Variants in NDST3 observed in about 807,000 individuals in gnomAD.
NDST3 encodes the protein bifunctional heparan sulfate N-deacetylase/N-sulfotransferase 3.
Under a neutral mutation model 96.1 loss-of-function variants are expected in NDST3, and 58 were observed. The observed-to-expected ratio is 0.60, with a 90% CI of 0.49 to 0.75. The LOEUF (loss-of-function observed/expected upper bound fraction) is 0.75, where lower values mean the gene tolerates loss of function less well. Among genes scored for constraint, NDST3 ranks in the 30% least tolerant of loss-of-function variants. The probability of loss-of-function intolerance (pLI) is 0.00; values close to 1 mark genes in which losing one functional copy is unlikely to be tolerated. For missense variants in NDST3, 788 were observed against 1,034.2 expected, an observed-to-expected ratio of 0.76 and a Z score of 3.27; for synonymous variants, 333 against 359.7, an observed-to-expected ratio of 0.93 and a Z score of 0.84.
At chr4:118,163,921 T>C (rs954056548) in intron 6 of NDST3, among the ~76,000 whole-genome samples, 5 of 152,094 alleles carry the variant, frequency 3.3e-5, no homozygotes, top group Non-Finnish European at 5.9e-5. Context: ...AGTTCAACCA[T>C]TGTGGAAAGC....
intron 6 of NDST3, among the ~76,000 whole-genome samples, chr4:118,184,949 G>T (rs900408646): frequency 2.6e-5 from 4 of 151,974 alleles, no homozygotes; most frequent in South Asian, 2.1e-4. Context: ...TACTCAACTG[G>T]CAAATAAATT....
Position 118,074,972 on chromosome 4 carries a change from T to C in NDST3, c.981+20081T>C, listed in dbSNP as rs1171022882. Among the ~76,000 whole-genome samples, 3 of 152,186 alleles carry C rather than the reference T, an allele frequency of 2.0e-5. No homozygotes were observed. The East Asian group carries it at 5.8e-4, about 29-fold the overall frequency. On this transcript the variant is annotated intron_variant, in intron 2 of 13. Coordinates refer to ENST00000296499, the MANE Select transcript of NDST3 (RefSeq NM_004784.3). Reference sequence around the variant, plus strand: ...CACATGCAGGTTAGTTACATATCTATACCTGTGCCATGTTGGTTTGCTGCA... The same window carrying C: ...CACATGCAGGTTAGTTACATATCTACACCTGTGCCATGTTGGTTTGCTGCA...
chr4:118,117,803 G>T (rs1578670635), intron 4 of NDST3, among the ~76,000 whole-genome samples: 1 of 152,152 alleles, frequency 6.6e-6, no homozygotes, highest in African/African-American at 2.4e-5. Context: ...CCCTGCCGAG[G>T]CTTCCTCCCT....
At chr4:118,157,882 A>G (rs1560685834) in intron 6 of NDST3, among the ~76,000 whole-genome samples, 1 of 152,240 alleles carries the variant, frequency 6.6e-6, no homozygotes, top group Non-Finnish European at 1.5e-5. Flanking sequence ...ATTAATTAAA[A>G]TAATTTTGAG....
chr4:118,240,460 A>G, intron 10 of NDST3, 64 bp from the exon 11 acceptor site: 1 of 1,350,070 alleles, frequency 7.4e-7, no homozygotes, highest in Non-Finnish European at 9.9e-7. Context: ...TGTCACAAAG[A>G]TTGATTTTTA....
intron 2 of NDST3, among the ~76,000 whole-genome samples, chr4:118,101,945 A>G (rs1314249859): frequency 6.6e-6 from 1 of 152,106 alleles, no homozygotes; most frequent in African/African-American, 2.4e-5. Flanking sequence ...TGATAGGAGA[A>G]AGCCCATGAT....
intron 3 of NDST3, among the ~76,000 whole-genome samples, chr4:118,109,167 C>T (rs1730441242): frequency 2.0e-5 from 3 of 152,166 alleles, no homozygotes; most frequent in African/African-American, 7.2e-5. Flanking sequence ...TGCCCACAAC[C>T]TCTTCCTAAA....
intron 6 of NDST3, among the ~76,000 whole-genome samples, chr4:118,148,298 A>C (rs1249005550): frequency 6.6e-6 from 1 of 152,034 alleles, no homozygotes; most frequent in East Asian, 1.9e-4. Context: ...ACTCTGTCTC[A>C]AAAAAAATGC....
chr4:118,247,013 TAAA>T (rs1324019711), intron 12 of NDST3, among the ~76,000 whole-genome samples: 2 of 152,240 alleles, frequency 1.3e-5, no homozygotes, highest in East Asian at 3.9e-4. Flanking sequence ...TGCAGTTTCT[TAAA>T]AACTAAACAG....
chr4:118,142,694 G>T (rs1481097422), intron 5 of NDST3, among the ~76,000 whole-genome samples: 1 of 152,068 alleles, frequency 6.6e-6, no homozygotes, highest in Non-Finnish European at 1.5e-5. Context: ...TACTTCAAAT[G>T]TATAGTGACA....
intron 6 of NDST3, among the ~76,000 whole-genome samples, chr4:118,148,726 T>C (rs1348040889): frequency 6.6e-6 from 1 of 152,216 alleles, no homozygotes; most frequent in African/African-American, 2.4e-5. Context: ...GTATGTGCTT[T>C]TCTCTAAAAT....
intron 4 of NDST3, among the ~76,000 whole-genome samples, chr4:118,117,825 C>A (rs967968904): frequency 1.3e-5 from 2 of 152,146 alleles, no homozygotes; most frequent in African/African-American, 4.8e-5. Context: ...GCCTCCCAAC[C>A]CAATTCACAG....
At chr4:118,160,314 T>C (rs1401352360) in intron 6 of NDST3, among the ~76,000 whole-genome samples, 2 of 152,120 alleles carry the variant, frequency 1.3e-5, no homozygotes, top group Non-Finnish European at 2.9e-5. Context: ...CCTGCAAAAT[T>C]GTCCTTCAAT....
chr4:118,241,225 A>T (rs1008272966), intron 11 of NDST3, among the ~76,000 whole-genome samples: 1 of 152,228 alleles, frequency 6.6e-6, no homozygotes, highest in African/African-American at 2.4e-5. Context: ...TATGACAGCC[A>T]CTACCACATA....
chr4:118,159,544 A>G, intron 6 of NDST3, among the ~76,000 whole-genome samples: 1 of 152,316 alleles, frequency 6.6e-6, no homozygotes, highest in African/African-American at 2.4e-5. Context: ...GCATTAAGAA[A>G]AAGGAAAATA....
At chr4:118,175,377 C>T (rs1477163441) in intron 6 of NDST3, among the ~76,000 whole-genome samples, 1 of 152,020 alleles carries the variant, frequency 6.6e-6, no homozygotes, top group East Asian at 1.9e-4. Context: ...ACTCTCAGTT[C>T]CTTTTATTAC....
intron 2 of NDST3, among the ~76,000 whole-genome samples, chr4:118,075,313 G>A (rs140221483): frequency 5.6e-4 from 85 of 152,300 alleles, no homozygotes; most frequent in African/African-American, 1.7e-3. Flanking sequence ...GGACATTTGG[G>A]TTGGTTCCAT....
rs569300268 is a variant in NDST3 at position 118,068,739 on chromosome 4, G to A, written c.981+13848G>A. 2.6e-4 allele frequency among the ~76,000 whole-genome samples: 39 copies of A among 151,906 alleles called. No homozygotes were observed. In the South Asian group the frequency reaches 8.1e-3, roughly 32 times the overall value. On this transcript the variant is annotated intron_variant, in intron 2 of 13. Transcript: ENST00000296499. ...TATTATTGTAAAATATGAAGACCTG[G>A]GTCCTATTATTTTTTCCTGTAGAAA... is the stretch of plus-strand genomic sequence containing the variant.
At chr4:118,070,538 A>G (rs1240266069) in intron 2 of NDST3, among the ~76,000 whole-genome samples, 4 of 152,048 alleles carry the variant, frequency 2.6e-5, no homozygotes, top group Non-Finnish European at 4.4e-5. Flanking sequence ...TATTATTTTG[A>G]TACAGTCCAT....
Sources: gnomAD v4.1 joint callset for allele counts (sites outside exome capture counted in the v4.1 genomes callset) on GRCh38, gnomAD v4.1.1 for gene constraint, MANE v1.5 for transcripts, NCBI Gene and HGNC (gene_info 2026-07-23, HGNC 2026-07-21) for gene names.